ATXN10: variants seen among roughly 807,000 people sequenced by gnomAD.
ATXN10 encodes ataxin 10.
In ATXN10, 28 loss-of-function variants were observed where a neutral mutation model predicts 52.9. The ratio of observed to expected loss-of-function variants is 0.53; its 90% CI spans 0.39 to 0.73. The LOEUF is 0.73. ATXN10 is among the 30% of genes least tolerant of loss of function. The pLI is 0.00. For synonymous variants in ATXN10, 226 were observed against 221.5 expected (o/e 1.02, Z -0.18); for missense variants, 565 against 577.0 (o/e 0.98, Z 0.21).
chr22:45,727,351 C>CTATCTATG lies in ATXN10; in HGVS notation c.729-2067_729-2066insGTATCTAT, dbSNP rs930199210. Among the ~76,000 whole-genome samples, 1 of 151,752 alleles carries CTATCTATG rather than the reference C, an allele frequency of 6.6e-6. No individual in the cohort carries two copies. The highest frequency in any genetic ancestry group is 2.4e-5 in the African/African-American group (1 of 41,376). ...TATCTATATCTATCTATCTATCTATCTATCTATCTATCTATCTATCTATCT... is the reference window on the plus strand; with the variant it reads ...TATCTATATCTATCTATCTATCTATCTATCTATGTATCTATCTATCTATCTATCTATCT... On this transcript the variant is annotated intron_variant, in intron 6 of 11. Transcript: ENST00000252934. The surrounding 1 kb of genome is among the most constrained non-coding windows in gnomAD (Gnocchi z 4.6).
At position 45,835,896 on chromosome 22, in the gene ATXN10, G is replaced by T. The variant is rs923680142; in HGVS notation, c.1238-7095G>T. Among the ~76,000 whole-genome samples, 6 of 151,882 alleles carry T rather than the reference G, an allele frequency of 4.0e-5. No individual in the cohort carries two copies. The highest frequency in any genetic ancestry group is 1.5e-4 in the African/African-American group (6 of 41,312). ...TTAGCCATTAATTGGTAAATTGGAG[G>T]GTATACATACTCATGATTTTAGCTT... On this transcript the variant is annotated intron_variant, in intron 10 of 11. Coordinates refer to ENST00000252934, the MANE Select transcript of ATXN10 (RefSeq NM_013236.4). The surrounding 1 kb of genome is among the most constrained non-coding windows in gnomAD (Gnocchi z 5.0).
intron 3 of ATXN10, among the ~76,000 whole-genome samples, chr22:45,695,366 C>G (rs16991855): frequency 0.09 from 13,696 of 151,790 alleles, 707 homozygotes; most frequent in Middle Eastern, 0.16. Context: ...ACGTCTTTAC[C>G]TTATAATTCA....
intron 9 of ATXN10, 110 bp downstream of exon 9, chr22:45,740,648 C>A: frequency 3.5e-6 from 3 of 847,424 alleles, no homozygotes; most frequent in Non-Finnish European, 5.8e-6. Context: ...TAGAAAGTAG[C>A]TTGGATAGAG....
intron 5 of ATXN10, among the ~76,000 whole-genome samples, chr22:45,706,536 A>G (rs1402833959): frequency 1.3e-5 from 2 of 152,176 alleles, no homozygotes; most frequent in Non-Finnish European, 2.9e-5. Context: ...AGGCATTTAC[A>G]TCTACAAATT....
In ATXN10 at chr22:45,823,951, G is replaced by A. The variant is rs1217714676; in HGVS notation, c.1237+16929G>A. Among the ~76,000 whole-genome samples the A allele has an allele frequency of 2.0e-5, 3 of 152,128 alleles. No individual in the cohort carries two copies. Among genetic ancestry groups the A allele is most frequent in the South Asian group, 2.1e-4 (1 of 4,820 alleles). ...GTGACGTGCCCTTGCTGGGTCTGTC[G>A]CTTGTACTTTTTTGTGAGCTCCTTG... On this transcript the variant is annotated intron_variant, in intron 10 of 11. Coordinates refer to ENST00000252934, the MANE Select transcript of ATXN10 (RefSeq NM_013236.4). The surrounding 1 kb of genome is among the most constrained non-coding windows in gnomAD (Gnocchi z 4.9).
intron 3 of ATXN10, among the ~76,000 whole-genome samples, chr22:45,699,738 C>T (rs1439767279): frequency 6.6e-6 from 1 of 151,928 alleles, no homozygotes; most frequent in African/African-American, 2.4e-5. Context: ...GTGATCCGCA[C>T]CCCCCTCGTC....
Position 45,790,208 on chromosome 22 carries a change from T to C in ATXN10, c.1174-16751T>C, listed in dbSNP as rs898411905. ...TCTGCACAATCCCAGTTAGAGGGGC[T>C]CTTAATGCCTGTATAGGGTCAGGAT... On this transcript the variant is annotated intron_variant, in intron 9 of 11. Coordinates refer to ENST00000252934, the MANE Select transcript of ATXN10 (RefSeq NM_013236.4). This position sits in a 1 kb window ranked among gnomAD's most constrained non-coding sequence, Gnocchi z 4.7. Among the ~76,000 whole-genome samples the C allele has an allele frequency of 1.1e-4, 17 of 152,200 alleles. No individual in the cohort carries two copies. The highest frequency in any genetic ancestry group is 3.6e-4 in the African/African-American group (15 of 41,442).
intron 9 of ATXN10, among the ~76,000 whole-genome samples, chr22:45,743,002 C>T (rs568763133): frequency 6.6e-6 from 1 of 152,312 alleles, no homozygotes; most frequent in East Asian, 1.9e-4. Flanking sequence ...CTTATAGGAA[C>T]AAAATGCAGT....
chr22:45,816,938 G>A lies in ATXN10; in HGVS notation c.1237+9916G>A, dbSNP rs1175258438. Among the ~76,000 whole-genome samples, 4 of 152,156 alleles carry A rather than the reference G, an allele frequency of 2.6e-5. No homozygotes were observed. Among genetic ancestry groups the A allele is most frequent in the African/African-American group, 4.8e-5 (2 of 41,430 alleles). ...GTATCAGGCCTGCCAAACAGCAGCC[G>A]GAAGGAGGCTCCTCAGGGAAGTGTC... is the stretch of plus-strand genomic sequence containing the variant. On this transcript the variant is annotated intron_variant, in intron 10 of 11. Transcript: ENST00000252934. This position sits in a 1 kb window ranked among gnomAD's most constrained non-coding sequence, Gnocchi z 5.8.
chr22:45,676,469 C>A (rs1922694095), intron 1 of ATXN10: 1 of 151,418 alleles, frequency 6.6e-6, no homozygotes, highest in Non-Finnish European at 1.5e-5. Flanking sequence ...GTTGCATTAG[C>A]CATATTTTTT....
chr22:45,809,975 C>G lies in ATXN10; in HGVS notation c.1237+2953C>G, dbSNP rs150944987. ...TAGTTAAGGTTTTTTGCACGTGTAT[C>G]TTGTTTTAAGAAGTATTTCTTTACC... is the stretch of plus-strand genomic sequence containing the variant. On this transcript the variant is annotated intron_variant, in intron 10 of 11. Coordinates refer to ENST00000252934, the MANE Select transcript of ATXN10 (RefSeq NM_013236.4). 3.2e-3 allele frequency among the ~76,000 whole-genome samples: 485 copies of G among 151,994 alleles called. 2 individuals are homozygous for G. Among genetic ancestry groups the G allele is most frequent in the Non-Finnish European group, 5.3e-3 (362 of 67,966 alleles).
In ATXN10 at chr22:45,762,603, G is replaced by A. The variant is rs908282947; in HGVS notation, c.1173+22065G>A. The stretch of plus-strand genomic sequence containing the variant: ...GGCTGAAGGGAAGCTGGGCAAGAGT[G>A]TATGTGTTTAGGCCACAGGGAGAGC... On this transcript the variant is annotated intron_variant, in intron 9 of 11. Transcript: ENST00000252934. This position sits in a 1 kb window ranked among gnomAD's most constrained non-coding sequence, Gnocchi z 4.3. 4.6e-5 allele frequency among the ~76,000 whole-genome samples: 7 copies of A among 152,190 alleles called. No homozygotes were observed. The highest frequency in any genetic ancestry group is 8.8e-5 in the Non-Finnish European group (6 of 68,040).
Position 45,690,998 on chromosome 22 carries a change from C to A in ATXN10, c.308+1095C>A, listed in dbSNP as rs1923351514. On this transcript the variant is annotated intron_variant, in intron 2 of 11. Coordinates refer to ENST00000252934, the MANE Select transcript of ATXN10 (RefSeq NM_013236.4). This position sits in a 1 kb window ranked among gnomAD's most constrained non-coding sequence, Gnocchi z 4.5. ...ACTTGAGGGACTCCCTTCGGTTAGA[C>A]ACATATACCCGAGGCTTTGATATGA... Among the ~76,000 whole-genome samples the A allele has an allele frequency of 6.6e-6, 1 of 152,138 alleles. No homozygotes were observed. The highest frequency in any genetic ancestry group is 2.1e-4 in the South Asian group (1 of 4,826).
At position 45,729,551 on chromosome 22, in the gene ATXN10, T is replaced by G. The variant is rs768152255; in HGVS notation, c.855T>G (p.Thr285=). 5 of 1,614,074 alleles carry G rather than the reference T, an allele frequency of 3.1e-6. No individual in the cohort carries two copies. The highest frequency in any genetic ancestry group is 8.5e-7 in the Non-Finnish European group (1 of 1,180,046). The change falls in exon 7 of 12, where the codon ACT becomes ACG. Residue 285 remains threonine (T), a synonymous_variant. Transcript: ENST00000252934. ...IASTFVDQCK[T]VLKLASEEPP... ...GCACCTTTGTGGATCAGTGCAAGAC[T>G]GTGCTCAAGCTGGCCTCTGAGGAGC...
intron 9 of ATXN10, among the ~76,000 whole-genome samples, chr22:45,749,473 C>T (rs1925862496): frequency 6.6e-6 from 1 of 152,204 alleles, no homozygotes; most frequent in Non-Finnish European, 1.5e-5. Context: ...CATTGTATTA[C>T]AGCTTTTTCC....
intron 10 of ATXN10, among the ~76,000 whole-genome samples, chr22:45,834,016 A>G (rs1414595080): frequency 1.3e-5 from 2 of 152,218 alleles, no homozygotes; most frequent in Non-Finnish European, 2.9e-5. Flanking sequence ...TCTACCGCAT[A>G]GAGAGTTTGT....
chr22:45,706,077 A>G (rs574861177), intron 5 of ATXN10, among the ~76,000 whole-genome samples: 1 of 152,328 alleles, frequency 6.6e-6, no homozygotes, highest in East Asian at 1.9e-4. Context: ...CTGAGGTAGA[A>G]CAGTTTCTTC....
At position 45,783,745 on chromosome 22, in the gene ATXN10, CAAAT is replaced by C. The variant is rs1172229542; in HGVS notation, c.1174-23204_1174-23201del. Among the ~76,000 whole-genome samples, 2 of 152,146 alleles carry C rather than the reference CAAAT, an allele frequency of 1.3e-5. No homozygotes were observed. The highest frequency in any genetic ancestry group is 2.9e-5 in the Non-Finnish European group (2 of 68,032). On this transcript the variant is annotated intron_variant, in intron 9 of 11. Transcript: ENST00000252934. The surrounding 1 kb of genome is among the most constrained non-coding windows in gnomAD (Gnocchi z 5.0). ...AAGTAGCTTTCTTTTAAATGTTTATCAAATAAATAAATAGAAGATTAAAAGAGGT... is the reference window on the plus strand; with the variant it reads ...AAGTAGCTTTCTTTTAAATGTTTATCAAATAAATAGAAGATTAAAAGAGGT...
Position 45,712,028 on chromosome 22 carries a change from C to T in ATXN10, c.648-6385C>T, listed in dbSNP as rs368581936. Among the ~76,000 whole-genome samples, 3 of 152,250 alleles carry T rather than the reference C, an allele frequency of 2.0e-5. No homozygotes were observed. Among genetic ancestry groups the T allele is most frequent in the East Asian group, 3.9e-4 (2 of 5,178 alleles). On this transcript the variant is annotated intron_variant, in intron 5 of 11. Transcript: ENST00000252934. The surrounding 1 kb of genome is among the most constrained non-coding windows in gnomAD (Gnocchi z 4.6). ...AAAAAGTTTCTTCTGTAAACATTGA[C>T]TGGCAAGGGTATTGAGAAGTTTGGG...
Sources: allele counts gnomAD v4.1 joint callset (sites outside exome capture counted in the v4.1 genomes callset), GRCh38; gene constraint gnomAD v4.1.1; non-coding constraint Gnocchi (gnomAD v3.1); transcripts MANE v1.5; gene names NCBI Gene and HGNC (gene_info 2026-07-23, HGNC 2026-07-21).